SLCO3A1: variants seen among roughly 807,000 people sequenced by gnomAD.
SLCO3A1 encodes the protein PGE1 transporter.
SLCO3A1 carries 27 observed loss-of-function variants against 63.1 expected under a neutral mutation model. The observed-to-expected ratio is 0.43, with a 90% CI of 0.32 to 0.59. The LOEUF (loss-of-function observed/expected upper bound fraction) is 0.59. SLCO3A1 is among the 20% of genes least tolerant of loss of function. The pLI is 0.09. For missense variants in SLCO3A1, 773 were observed against 945.8 expected (o/e 0.82, Z 2.40); for synonymous variants, 473 against 409.9 (o/e 1.15, Z -1.86).
chr15:92,148,621 T>C (rs953695749), intron 8 of SLCO3A1: 1 of 152,182 alleles, frequency 6.6e-6, no homozygotes, highest in Non-Finnish European at 1.5e-5. Flanking sequence ...CTATCACTCC[T>C]TTCAAAAAAG....
At chr15:92,044,046 C>T (rs140504726) in intron 2 of SLCO3A1, among the ~76,000 whole-genome samples, 3 of 152,206 alleles carry the variant, frequency 2.0e-5, no homozygotes, top group Non-Finnish European at 4.4e-5. Context: ...CAGCCTGGTT[C>T]TCTCCTACTC....
At chr15:92,021,815 C>T (rs566757340) in intron 2 of SLCO3A1, among the ~76,000 whole-genome samples, 1 of 152,238 alleles carries the variant, frequency 6.6e-6, no homozygotes, top group Admixed American at 6.5e-5. Flanking sequence ...ACCAGGGGCA[C>T]CGAGAACCCA....
rs909812808 is a variant in SLCO3A1 at position 92,015,470 on chromosome 15, A to G, written c.647-79411A>G. 3.3e-5 allele frequency among the ~76,000 whole-genome samples: 5 copies of G among 152,080 alleles called. 1 individual carries two copies. In the South Asian group the frequency reaches 6.2e-4, roughly 19 times the overall value. On this transcript the variant is annotated intron_variant, in intron 2 of 9. Coordinates refer to ENST00000318445, the MANE Select transcript of SLCO3A1 (RefSeq NM_013272.4). ...GAGATCTCGTGAGAACTCCCTCACT[A>G]TCACGAGAACAGCATGGGGGAAACC...
At chr15:91,921,723 C>CTTTTTT (rs10708454) in intron 2 of SLCO3A1, among the ~76,000 whole-genome samples, 2 of 144,968 alleles carry the variant, frequency 1.4e-5, no homozygotes, top group Non-Finnish European at 1.5e-5. Context: ...TCAGATTTCT[C>CTTTTTT]TTTTTTTTTT....
chr15:92,071,487 G>T (rs1458323890), intron 2 of SLCO3A1, among the ~76,000 whole-genome samples: 1 of 152,196 alleles, frequency 6.6e-6, no homozygotes, highest in Non-Finnish European at 1.5e-5. Flanking sequence ...AAAAATATAT[G>T]TTCAGGGGAA....
intron 2 of SLCO3A1, among the ~76,000 whole-genome samples, chr15:91,936,096 T>C (rs1230106010): frequency 2.0e-5 from 3 of 152,166 alleles, no homozygotes; most frequent in Non-Finnish European, 4.4e-5. Flanking sequence ...GTAGCTTAGC[T>C]TCCTCCCAGA....
At chr15:92,108,523 A>G (rs2047691564) in intron 4 of SLCO3A1, among the ~76,000 whole-genome samples, 1 of 152,240 alleles carries the variant, frequency 6.6e-6, no homozygotes, top group East Asian at 1.9e-4. Context: ...CCTGGAGGGA[A>G]GAAGTTGAGG....
At chr15:92,049,767 A>G (rs1196623210) in intron 2 of SLCO3A1, among the ~76,000 whole-genome samples, 2 of 152,206 alleles carry the variant, frequency 1.3e-5, no homozygotes, top group African/African-American at 2.4e-5. Context: ...GATTACTGAC[A>G]TTTAGGGCCA....
rs78927762 is a variant in SLCO3A1, at chr15:91,941,619, C to T, written c.646+25161C>T. On this transcript the variant is annotated intron_variant, in intron 2 of 9. Transcript: ENST00000318445. The surrounding 1 kb of genome is among the most constrained non-coding windows in gnomAD (Gnocchi z 4.4). ...TTCCTTCGTCTTGGAGGTTTTGAAGCTTCTAATCTCCCATGGGTTTTGTAC... is the reference window on the plus strand; with the variant it reads ...TTCCTTCGTCTTGGAGGTTTTGAAGTTTCTAATCTCCCATGGGTTTTGTAC... 1.7e-4 allele frequency: 79 copies of T among 454,830 alleles called. No homozygotes were observed. The East Asian group carries it at 2.3e-3, about 13-fold the overall frequency. The allele number at this position is 454,830 out of a possible 1,614,324, so 28.2% of individuals were successfully genotyped here.
At chr15:92,015,033 A>G (rs2046410002) in intron 2 of SLCO3A1, among the ~76,000 whole-genome samples, 2 of 152,208 alleles carry the variant, frequency 1.3e-5, no homozygotes, top group Non-Finnish European at 2.9e-5. Flanking sequence ...CATGGCTTTC[A>G]GAAGCCTTGG....
At position 91,863,288 on chromosome 15, in the gene SLCO3A1, A is replaced by AC. The variant is rs1329199322; in HGVS notation, c.180+9202dup. Among the ~76,000 whole-genome samples the AC allele has an allele frequency of 1.3e-5, 2 of 152,218 alleles. No homozygotes were observed. Among genetic ancestry groups the AC allele is most frequent in the Admixed American group, 1.3e-4 (2 of 15,288 alleles). On this transcript the variant is annotated intron_variant, in intron 1 of 9. Coordinates refer to ENST00000318445, the MANE Select transcript of SLCO3A1 (RefSeq NM_013272.4). This position sits in a 1 kb window ranked among gnomAD's most constrained non-coding sequence, Gnocchi z 4.3. ...GAACTCAGCTGGCTGTGCTGTCAGC[A>AC]CCAGCTCCCCTTCTCTCCAGGGGTA...
At chr15:91,879,013 G>T (rs886850513) in intron 1 of SLCO3A1, among the ~76,000 whole-genome samples, 4 of 152,142 alleles carry the variant, frequency 2.6e-5, no homozygotes, top group African/African-American at 9.7e-5. Context: ...ACATATCTAT[G>T]AAGTACGTGA....
At chr15:92,145,880 T>G (rs2048215147) in intron 7 of SLCO3A1, among the ~76,000 whole-genome samples, 1 of 152,144 alleles carries the variant, frequency 6.6e-6, no homozygotes, top group Admixed American at 6.5e-5. Context: ...CGATACAGAC[T>G]GACCCTGTTG....
chr15:92,081,225 C>A (rs2047341331), intron 2 of SLCO3A1, among the ~76,000 whole-genome samples: 2 of 152,116 alleles, frequency 1.3e-5, no homozygotes, highest in Non-Finnish European at 2.9e-5. Context: ...CATTAACCAT[C>A]CCCACCTCCC....
intron 2 of SLCO3A1, among the ~76,000 whole-genome samples, chr15:91,955,625 C>T (rs1225065942): frequency 6.6e-6 from 1 of 152,242 alleles, no homozygotes; most frequent in Non-Finnish European, 1.5e-5. Context: ...AGCCACTGCA[C>T]CCAGCCCATT....
intron 5 of SLCO3A1, among the ~76,000 whole-genome samples, chr15:92,124,335 A>AG (rs955144546): frequency 2.0e-5 from 3 of 152,114 alleles, no homozygotes; most frequent in Admixed American, 1.3e-4. Flanking sequence ...TCAGGGAGGG[A>AG]GGGGGCCTGA....
intron 2 of SLCO3A1, among the ~76,000 whole-genome samples, chr15:91,926,596 T>TGTGTGTGTGTGC: frequency 0.057 from 5,935 of 104,932 alleles, 235 homozygotes; most frequent in East Asian, 0.18. Flanking sequence ...TGTGTGTGTG[T>TGTGTGTGTGTGC]GCGCGCGCGC....
chr15:92,112,121 C>A (rs1252086680), intron 4 of SLCO3A1, among the ~76,000 whole-genome samples: 1 of 152,158 alleles, frequency 6.6e-6, no homozygotes, highest in Non-Finnish European at 1.5e-5. Flanking sequence ...TAGCATTTCA[C>A]CCCAGTCTGG....
intron 2 of SLCO3A1, among the ~76,000 whole-genome samples, chr15:92,067,942 A>G (rs533614007): frequency 5.3e-5 from 8 of 152,206 alleles, no homozygotes; most frequent in African/African-American, 1.9e-4. Flanking sequence ...CTTCTGCGGG[A>G]AGGGGTGAGG....
Sources: allele counts gnomAD v4.1 joint callset (sites outside exome capture counted in the v4.1 genomes callset), GRCh38; gene constraint gnomAD v4.1.1; non-coding constraint Gnocchi (gnomAD v3.1); transcripts MANE v1.5; gene names NCBI Gene and HGNC (gene_info 2026-07-23, HGNC 2026-07-21).